Variants in CDS2 observed in about 807,000 individuals in gnomAD.
The protein encoded by CDS2 is phosphatidate cytidylyltransferase 2.
A neutral mutation model predicts 59.0 loss-of-function variants in CDS2; 47 were observed. The ratio of observed to expected loss-of-function variants is 0.80; its 90% CI spans 0.63 to 1.02. The LOEUF (loss-of-function observed/expected upper bound fraction) is 1.02. Among genes scored for constraint, CDS2 ranks in the 50% least tolerant of loss-of-function variants. The pLI, the probability that CDS2 is intolerant of heterozygous loss-of-function variation, is 0.00. For synonymous variants in CDS2, 207 were observed against 206.4 expected, an observed-to-expected ratio of 1.00 and a Z score of -0.02; for missense variants, 356 against 558.9, an observed-to-expected ratio of 0.64 and a Z score of 3.66.
At chr20:5,147,231 C>G (rs978405440) in intron 1 of CDS2, among the ~76,000 whole-genome samples, 2 of 152,116 alleles carry the variant, frequency 1.3e-5, no homozygotes, top group African/African-American at 4.8e-5. Flanking sequence ...TAAAAATGGA[C>G]AGATCTAAGA....
rs2091052446 is a variant in CDS2, at chr20:5,184,419, G to C, written c.672-439G>C. Among the ~76,000 whole-genome samples, 1 of 152,230 alleles carries C rather than the reference G, an allele frequency of 6.6e-6. No individual in the cohort carries two copies. The highest frequency in any genetic ancestry group is 6.5e-5 in the Admixed American group (1 of 15,296). On this transcript the variant is annotated intron_variant, in intron 7 of 12. Coordinates refer to ENST00000460006, the MANE Select transcript of CDS2 (RefSeq NM_003818.4). The surrounding 1 kb of genome is among the most constrained non-coding windows in gnomAD (Gnocchi z 4.3). ...ACAGCAAGAAAAGTCAGTAAATAATGAAAGAGTCATTAAAGCATACTATTT... is the reference window on the plus strand; with the variant it reads ...ACAGCAAGAAAAGTCAGTAAATAATCAAAGAGTCATTAAAGCATACTATTT...
chr20:5,191,261 A>G lies in CDS2; in HGVS notation c.*1027A>G, dbSNP rs574371177. 2 of 152,596 alleles carry G rather than the reference A, an allele frequency of 1.3e-5. No homozygotes were observed. Among genetic ancestry groups the G allele is most frequent in the South Asian group, 4.1e-4 (2 of 4,830 alleles). The allele number at this position is 152,596 out of a possible 1,614,324, so 9.5% of individuals were successfully genotyped here. ...ACCATGACTTCTTCACTAAAACCAC[A>G]AAGTCCTGCTTAAAACTATGGAAAA... On this transcript the variant is annotated 3_prime_UTR_variant, in exon 13 of 13. Coordinates refer to ENST00000460006, the MANE Select transcript of CDS2 (RefSeq NM_003818.4).
At chr20:5,189,627 T>A in intron 11 of CDS2, 108 bp from the exon 12 acceptor site, 1 of 734,698 alleles carries the variant, frequency 1.4e-6, no homozygotes, top group South Asian at 1.7e-5. Flanking sequence ...CACCTTCTAT[T>A]GCCCTCAGCT....
intron 1 of CDS2, among the ~76,000 whole-genome samples, chr20:5,151,595 T>TA (rs199843257): frequency 3.0e-4 from 44 of 148,868 alleles, no homozygotes; most frequent in African/African-American, 6.9e-4. Flanking sequence ...TCCCATCTCT[T>TA]AAAAAAAAAA....
chr20:5,162,178 T>C (rs2090880503), intron 1 of CDS2, among the ~76,000 whole-genome samples: 1 of 152,116 alleles, frequency 6.6e-6, no homozygotes, highest in African/African-American at 2.4e-5. Context: ...AGATAAGAAT[T>C]AAGGGTCGAA....
At chr20:5,148,829 A>G (rs749131028) in intron 1 of CDS2, among the ~76,000 whole-genome samples, 1 of 152,134 alleles carries the variant, frequency 6.6e-6, no homozygotes, top group African/African-American at 2.4e-5. Context: ...TCTCTTGAAC[A>G]GTTGCTATTT....
chr20:5,130,901 C>T (rs1051080456), intron 1 of CDS2, among the ~76,000 whole-genome samples: 6 of 149,892 alleles, frequency 4.0e-5, no homozygotes, highest in Non-Finnish European at 8.9e-5. Context: ...ACCATCCTGG[C>T]TAACATGGTG....
chr20:5,145,972 C>T (rs953888156), intron 1 of CDS2, among the ~76,000 whole-genome samples: 4 of 151,958 alleles, frequency 2.6e-5, no homozygotes, highest in Admixed American at 6.6e-5. Context: ...CATAGGCATG[C>T]GCCACCATGC....
chr20:5,196,266 C>G lies in CDS2; in HGVS notation c.*6032C>G, dbSNP rs970947941. 6.6e-6 allele frequency: 1 copy of G among 152,256 alleles called. No homozygotes were observed. The highest frequency in any genetic ancestry group is 6.5e-5 in the Admixed American group (1 of 15,274). 9.4% of individuals were successfully genotyped at this position (152,256 alleles called of 1,614,324 possible). A position where few individuals can be genotyped will look rare whatever the true frequency, so the allele number is the denominator to read the frequency against. On this transcript the variant is annotated 3_prime_UTR_variant, in exon 13 of 13. Transcript: ENST00000460006. The stretch of plus-strand genomic sequence containing the variant: ...CAGGCTTGCCCCCGAGCCCTCCTGT[C>G]CTTCTGGGTTTGTGTTTGCCTTGCC...
chr20:5,186,509 C>CT lies in CDS2; in HGVS notation c.829-165dup, dbSNP rs796198951. Among the ~76,000 whole-genome samples, 140 of 143,962 alleles carry CT rather than the reference C, an allele frequency of 9.7e-4. 1 individual carries two copies. The highest frequency in any genetic ancestry group is 8.9e-3 in the South Asian group (40 of 4,488). The allele number at this position is 143,962 out of a possible 152,430, so 94.4% of individuals were successfully genotyped here. ...TGTAACCTTGGTGGGTCATGAGCCT[C>CT]TTTTTTTTTTTTTAATTGAGGTAAA... is the stretch of plus-strand genomic sequence containing the variant. On this transcript the variant is annotated intron_variant, in intron 9 of 12. Transcript: ENST00000460006.
intron 3 of CDS2, 54 bp downstream of exon 3, chr20:5,175,333 C>A: frequency 7.1e-7 from 1 of 1,416,990 alleles, no homozygotes; most frequent in African/African-American, 1.4e-5. Flanking sequence ...GCTGCAGGCC[C>A]GGTTGTCTTA....
intron 1 of CDS2, among the ~76,000 whole-genome samples, chr20:5,139,524 CCTTT>C (rs141027480): frequency 0.012 from 1,872 of 152,250 alleles, 48 homozygotes; most frequent in African/African-American, 0.041. Context: ...CTGACTTCTT[CCTTT>C]CTAATTTGGA....
intron 1 of CDS2, among the ~76,000 whole-genome samples, chr20:5,130,626 A>G (rs1397535252): frequency 6.6e-6 from 1 of 151,996 alleles, no homozygotes; most frequent in Admixed American, 6.6e-5. Flanking sequence ...TCTACTAAAA[A>G]TACAAAATTA....
At chr20:5,164,276 A>G (rs891921929) in intron 1 of CDS2, among the ~76,000 whole-genome samples, 7 of 152,168 alleles carry the variant, frequency 4.6e-5, no homozygotes, top group Admixed American at 1.3e-4. Flanking sequence ...ATGTTCCAAT[A>G]TGGTAAACAG....
intron 10 of CDS2, among the ~76,000 whole-genome samples, chr20:5,188,738 G>A (rs1263201546): frequency 6.6e-6 from 1 of 152,178 alleles, no homozygotes; most frequent in African/African-American, 2.4e-5. Flanking sequence ...TCTGGTGAGG[G>A]CTTTTTATGC....
chr20:5,143,783 G>C (rs75892474), intron 1 of CDS2, among the ~76,000 whole-genome samples: 2 of 59,268 alleles, frequency 3.4e-5, no homozygotes, highest in African/African-American at 8.8e-5. Context: ...TTTTTTTTTT[G>C]AGACAGAGTC....
At chr20:5,142,740 T>C (rs925357796) in intron 1 of CDS2, among the ~76,000 whole-genome samples, 2 of 152,216 alleles carry the variant, frequency 1.3e-5, no homozygotes, top group African/African-American at 4.8e-5. Context: ...CCACAGGCAA[T>C]GAGAAGATAT....
intron 6 of CDS2, 69 bp downstream of exon 6, chr20:5,182,514 C>A (rs1037509448): frequency 8.8e-6 from 12 of 1,367,882 alleles, no homozygotes; most frequent in East Asian, 2.3e-5. Flanking sequence ...ACTCAACAAG[C>A]CTTTCATGCT....
intron 1 of CDS2, among the ~76,000 whole-genome samples, chr20:5,145,564 G>A (rs932493502): frequency 1.3e-5 from 2 of 152,092 alleles, no homozygotes; most frequent in African/African-American, 2.4e-5. Context: ...TTCCTCCAGA[G>A]CCTTCCTGAA....
Sources: allele counts gnomAD v4.1 joint callset (sites outside exome capture counted in the v4.1 genomes callset), GRCh38; gene constraint gnomAD v4.1.1; non-coding constraint Gnocchi (gnomAD v3.1); transcripts MANE v1.5; gene names NCBI Gene and HGNC (gene_info 2026-07-23, HGNC 2026-07-21).